NRXN1: variants seen among roughly 807,000 people sequenced by gnomAD.
The protein encoded by NRXN1 is neurexin 1, also known as neurexin-1.
In NRXN1, 39 loss-of-function variants were observed where a neutral mutation model predicts 150.9. The ratio of observed to expected loss-of-function variants is 0.26; its 90% CI spans 0.20 to 0.34. The LOEUF is 0.34. NRXN1 is among the 10% of genes least tolerant of loss of function. The pLI is 1.00. For missense variants in NRXN1, 1,815 were observed against 1,949.9 expected, an observed-to-expected ratio of 0.93 and a Z score of 1.30; for synonymous variants, 924 against 757.0, an observed-to-expected ratio of 1.22 and a Z score of -3.62.
At chr2:50,964,171 T>C (rs1693676353) in intron 2 of NRXN1, among the ~76,000 whole-genome samples, 1 of 151,606 alleles carries the variant, frequency 6.6e-6, no homozygotes, top group East Asian at 1.9e-4. Flanking sequence ...GTAGAAGGTT[T>C]AGACTATGCA....
chr2:50,647,847 G>A (rs1559070795), intron 5 of NRXN1, among the ~76,000 whole-genome samples: 1 of 151,690 alleles, frequency 6.6e-6, no homozygotes, highest in African/African-American at 2.4e-5. Flanking sequence ...AATGACAGAA[G>A]AAGAAAAATA....
intron 17 of NRXN1, among the ~76,000 whole-genome samples, chr2:50,384,781 C>T (rs1391231404): frequency 2.6e-5 from 4 of 152,134 alleles, no homozygotes; most frequent in East Asian, 3.9e-4. Context: ...GAGCCACATA[C>T]AACCCTGTCT....
At chr2:50,092,115 T>G (rs1442707993) in intron 18 of NRXN1, among the ~76,000 whole-genome samples, 3 of 152,204 alleles carry the variant, frequency 2.0e-5, no homozygotes, top group Non-Finnish European at 4.4e-5. Context: ...GGACACATAA[T>G]AGAGACGTAC....
At chr2:50,359,642 T>C (rs564765084) in intron 17 of NRXN1, among the ~76,000 whole-genome samples, 231 of 152,216 alleles carry the variant, frequency 1.5e-3, no homozygotes, top group Non-Finnish European at 2.8e-3. Flanking sequence ...TTGGTCTACC[T>C]GAAAGTGAAG....
At chr2:50,356,680 T>G (rs1046590049) in intron 17 of NRXN1, among the ~76,000 whole-genome samples, 1 of 152,168 alleles carries the variant, frequency 6.6e-6, no homozygotes, top group African/African-American at 2.4e-5. Context: ...GAACTTACCT[T>G]ATTGCCTTCT....
intron 18 of NRXN1, among the ~76,000 whole-genome samples, chr2:50,155,927 A>T (rs2058991558): frequency 6.6e-6 from 1 of 151,818 alleles, no homozygotes; most frequent in Non-Finnish European, 1.5e-5. Context: ...GAATGTTCTT[A>T]AAAAAGTAGA....
At chr2:50,071,120 C>G (rs1015672051) in intron 19 of NRXN1, among the ~76,000 whole-genome samples, 3 of 152,168 alleles carry the variant, frequency 2.0e-5, no homozygotes, top group Non-Finnish European at 2.9e-5. Context: ...CCCAATAGAT[C>G]TACAGTTAGG....
chr2:50,417,711 A>T (rs2083654782), intron 17 of NRXN1, among the ~76,000 whole-genome samples: 1 of 151,916 alleles, frequency 6.6e-6, no homozygotes, highest in Non-Finnish European at 1.5e-5. Context: ...GGGAGAAGGC[A>T]AGGCTTTCTT....
intron 5 of NRXN1, among the ~76,000 whole-genome samples, chr2:50,745,247 T>C (rs1014887514): frequency 4.6e-5 from 7 of 152,080 alleles, no homozygotes; most frequent in African/African-American, 1.7e-4. Context: ...ATCACAATAC[T>C]TGGTCCATAG....
intron 5 of NRXN1, among the ~76,000 whole-genome samples, chr2:50,675,665 T>A (rs372799566): frequency 6.6e-6 from 1 of 152,152 alleles, no homozygotes; most frequent in African/African-American, 2.4e-5. Flanking sequence ...ATGAATCATC[T>A]TGTCATTACC....
chr2:49,966,512 C>T (rs527442151), intron 21 of NRXN1: 11 of 132,584 alleles, frequency 8.3e-5, no homozygotes, highest in African/African-American at 3.2e-4. Flanking sequence ...TTCTTTAAAG[C>T]ATTTCTTTTT....
chr2:50,238,152 T>C (rs1483687166), intron 17 of NRXN1, among the ~76,000 whole-genome samples: 1 of 151,984 alleles, frequency 6.6e-6, no homozygotes, highest in East Asian at 1.9e-4. Context: ...AATAGAGCAT[T>C]TGGTGCACTA....
intron 2 of NRXN1, among the ~76,000 whole-genome samples, chr2:50,995,563 C>T (rs956973545): frequency 6.7e-6 from 1 of 149,556 alleles, no homozygotes; most frequent in African/African-American, 2.5e-5. Flanking sequence ...CAAGAGTGTG[C>T]CACTGTACTC....
intron 6 of NRXN1, among the ~76,000 whole-genome samples, chr2:50,622,234 T>C (rs1036843761): frequency 1.3e-5 from 2 of 151,734 alleles, no homozygotes; most frequent in Non-Finnish European, 2.9e-5. Flanking sequence ...TTGCCTTAGC[T>C]AGACTAAATC....
intron 18 of NRXN1, among the ~76,000 whole-genome samples, chr2:50,115,110 C>T (rs1702861885): frequency 6.7e-6 from 1 of 149,834 alleles, no homozygotes; most frequent in Non-Finnish European, 1.5e-5. Context: ...TGTGTAGGAG[C>T]AGAGAGTATT....
intron 5 of NRXN1, among the ~76,000 whole-genome samples, chr2:50,845,055 C>T: frequency 6.6e-6 from 1 of 151,976 alleles, no homozygotes; most frequent in East Asian, 1.9e-4. Flanking sequence ...TAGGCTCCCC[C>T]ATATTGCCCA....
chr2:50,030,125 C>T (rs1271257681), intron 21 of NRXN1, among the ~76,000 whole-genome samples: 1 of 152,118 alleles, frequency 6.6e-6, no homozygotes, highest in Non-Finnish European at 1.5e-5. Context: ...AATCAAAGAA[C>T]ATTCAAGATA....
At chr2:50,894,816 G>A (rs1305471743) in intron 5 of NRXN1, among the ~76,000 whole-genome samples, 1 of 152,102 alleles carries the variant, frequency 6.6e-6, no homozygotes, top group East Asian at 1.9e-4. Context: ...TTAATTAGAA[G>A]AAAATTTAGC....
intron 21 of NRXN1, among the ~76,000 whole-genome samples, chr2:50,034,480 C>G (rs191009182): frequency 6.6e-6 from 1 of 151,800 alleles, no homozygotes; most frequent in African/African-American, 2.4e-5. Flanking sequence ...CAGCTGACAC[C>G]GGGACCTAGT....
Sources: allele counts gnomAD v4.1 joint callset (sites outside exome capture counted in the v4.1 genomes callset), GRCh38; gene constraint gnomAD v4.1.1; transcripts MANE v1.5; gene names NCBI Gene and HGNC (gene_info 2026-07-23, HGNC 2026-07-21).